The following ATP10B variants were observed in gnomAD, a reference collection of about 807,000 sequenced individuals.
The protein encoded by ATP10B is phospholipid-transporting ATPase VB.
ATP10B carries 122 observed loss-of-function variants against 141.2 expected under a neutral mutation model. That is an observed-to-expected ratio of 0.86 (90% CI 0.75 to 1.00). ATP10B has a LOEUF of 1.00. ATP10B is among the 50% of genes least tolerant of loss of function. The pLI is 0.00. For missense variants in ATP10B, 1,876 were observed against 1,825.3 expected, an observed-to-expected ratio of 1.03 and a Z score of -0.51; for synonymous variants, 685 against 692.0, an observed-to-expected ratio of 0.99 and a Z score of 0.16.
chr5:160,579,322 A>G (rs1430095806), intron 24 of ATP10B, among the ~76,000 whole-genome samples: 2 of 152,182 alleles, frequency 1.3e-5, no homozygotes, highest in African/African-American at 4.8e-5. Flanking sequence ...TAAGTCATTA[A>G]TCCATCTTGA....
chr5:160,777,220 C>A (rs1770398700), intron 2 of ATP10B, among the ~76,000 whole-genome samples: 1 of 152,190 alleles, frequency 6.6e-6, no homozygotes, highest in Non-Finnish European at 1.5e-5. Context: ...AGTGGGCACC[C>A]ATGGCTTGTG....
chr5:160,646,717 G>C (rs1760297951), intron 8 of ATP10B, among the ~76,000 whole-genome samples: 1 of 152,126 alleles, frequency 6.6e-6, no homozygotes. Flanking sequence ...AGGATGTTCT[G>C]AAGTGATAGC....
intron 1 of ATP10B, among the ~76,000 whole-genome samples, chr5:160,824,063 C>T (rs975702732): frequency 5.9e-5 from 9 of 151,928 alleles, no homozygotes; most frequent in African/African-American, 1.9e-4. Flanking sequence ...GCTCTGTCAC[C>T]CAGGCTGGAG....
intron 1 of ATP10B, among the ~76,000 whole-genome samples, chr5:160,804,930 T>C (rs1458217749): frequency 6.6e-6 from 1 of 152,212 alleles, no homozygotes; most frequent in Non-Finnish European, 1.5e-5. Context: ...AGTCCTGCTG[T>C]CAGTATTGCA....
rs780170008 is a variant in ATP10B, at chr5:160,644,088, G to C, written c.868+50C>G. On this transcript the variant is annotated intron_variant, in intron 9 of 25. Coordinates refer to ENST00000327245, the MANE Select transcript of ATP10B (RefSeq NM_025153.3). ...CCATTGACTGAAGATGGATTTGGAGGGGGAAGGATAAAGGAAAATTCAGAC... is the reference window on the plus strand; with the variant it reads ...CCATTGACTGAAGATGGATTTGGAGCGGGAAGGATAAAGGAAAATTCAGAC... The C allele has an allele frequency of 4.1e-6, 6 of 1,467,138 alleles. No homozygotes were observed. In the Admixed American group the frequency reaches 1.0e-4, roughly 25 times the overall value. 90.9% of individuals were successfully genotyped at this position (1,467,138 alleles called of 1,614,324 possible). A position where few individuals can be genotyped will look rare whatever the true frequency, so the allele number is the denominator to read the frequency against.
the ATP10B span, among the ~76,000 whole-genome samples, chr5:160,873,703 G>C: frequency 3.9e-5 from 6 of 152,182 alleles, no homozygotes; most frequent in African/African-American, 1.2e-4. Flanking sequence ...AAAGCAGGGC[G>C]AGGCACTGCC....
chr5:160,878,480 C>T, the ATP10B span, among the ~76,000 whole-genome samples: 1 of 152,180 alleles, frequency 6.6e-6, no homozygotes. Flanking sequence ...TGGGCAAGGA[C>T]ACTTCATGTC....
chr5:160,589,357 T>C (rs974011420), intron 24 of ATP10B, among the ~76,000 whole-genome samples: 1 of 152,180 alleles, frequency 6.6e-6, no homozygotes, highest in Non-Finnish European at 1.5e-5. Context: ...CAACTAATTG[T>C]CTCATTGTTT....
chr5:160,701,052 C>A (rs1415145168), intron 3 of ATP10B, among the ~76,000 whole-genome samples: 1 of 152,128 alleles, frequency 6.6e-6, no homozygotes, highest in East Asian at 1.9e-4. Flanking sequence ...TGCCACACAC[C>A]CATCCAGGCC....
the ATP10B span, among the ~76,000 whole-genome samples, chr5:160,897,194 G>A: frequency 1.3e-5 from 2 of 152,170 alleles, no homozygotes; most frequent in Admixed American, 1.3e-4. Flanking sequence ...TCTGGCCAGG[G>A]CAATCAGGCA....
At chr5:160,590,062 C>T (rs548203774) in intron 23 of ATP10B, among the ~76,000 whole-genome samples, 3 of 152,122 alleles carry the variant, frequency 2.0e-5, no homozygotes, top group South Asian at 2.1e-4. Context: ...TAAGGAAGTA[C>T]GTGCTATAAT....
At chr5:160,772,307 A>G (rs1769962850) in intron 2 of ATP10B, among the ~76,000 whole-genome samples, 1 of 152,182 alleles carries the variant, frequency 6.6e-6, no homozygotes, top group East Asian at 1.9e-4. Context: ...ATGCCTGCAA[A>G]GTGTATCATC....
At chr5:160,819,050 A>G (rs1347679105) in intron 1 of ATP10B, among the ~76,000 whole-genome samples, 1 of 152,178 alleles carries the variant, frequency 6.6e-6, no homozygotes, top group Non-Finnish European at 1.5e-5. Context: ...CCTAATGCTA[A>G]TGACGAGTTA....
chr5:160,884,554 A>G, the ATP10B span, among the ~76,000 whole-genome samples: 1 of 152,130 alleles, frequency 6.6e-6, no homozygotes, highest in East Asian at 1.9e-4. Context: ...ACATGCTCTA[A>G]TCTCCCTAAT....
At chr5:160,776,735 G>C (rs1770354867) in intron 2 of ATP10B, among the ~76,000 whole-genome samples, 1 of 152,180 alleles carries the variant, frequency 6.6e-6, no homozygotes, top group African/African-American at 2.4e-5. Flanking sequence ...CAAGGGAAAG[G>C]TTCAGTCAGC....
intron 1 of ATP10B, among the ~76,000 whole-genome samples, chr5:160,851,081 A>G (rs1277724739): frequency 6.6e-6 from 1 of 152,228 alleles, no homozygotes; most frequent in Admixed American, 6.5e-5. Flanking sequence ...AGGAAGTAGC[A>G]GAGTGCCAGA....
chr5:160,842,178 TA>T (rs1775849808), intron 1 of ATP10B, among the ~76,000 whole-genome samples: 1 of 152,164 alleles, frequency 6.6e-6, no homozygotes, highest in Non-Finnish European at 1.5e-5. Context: ...AAAGGATAAC[TA>T]AAAAACATTT....
intron 1 of ATP10B, among the ~76,000 whole-genome samples, chr5:160,798,744 ATTTTTTT>A (rs35866347): frequency 3.9e-4 from 40 of 102,496 alleles, no homozygotes; most frequent in South Asian, 6.6e-4. Context: ...CTTTTTCTCT[ATTTTTTT>A]TTTTTTTTTT....
the ATP10B span, among the ~76,000 whole-genome samples, chr5:160,881,843 A>G: frequency 1.3e-5 from 2 of 152,036 alleles, no homozygotes; most frequent in East Asian, 3.9e-4. Flanking sequence ...AATAATAATA[A>G]TTGCCAAAAG....
Sources: allele counts gnomAD v4.1 joint callset (sites outside exome capture counted in the v4.1 genomes callset), GRCh38; gene constraint gnomAD v4.1.1; transcripts MANE v1.5; gene names NCBI Gene and HGNC (gene_info 2026-07-23, HGNC 2026-07-21).